ACER1: variants seen among roughly 807,000 people sequenced by gnomAD.
The protein encoded by ACER1 is alkaline ceramidase 1, also known as CTB-180A7.3.
A neutral mutation model predicts 24.9 loss-of-function variants in ACER1; 28 were observed. That is an observed-to-expected ratio of 1.13 (90% CI 0.83 to 1.54). ACER1 has a LOEUF of 1.54. ACER1 is among the 40% of genes most tolerant of loss of function. The probability of loss-of-function intolerance (pLI) is 0.00; values close to 1 mark genes in which losing one functional copy is unlikely to be tolerated. For synonymous variants in ACER1, 132 were observed against 131.4 expected, an observed-to-expected ratio of 1.00 and a Z score of -0.03; for missense variants, 352 against 349.3, an observed-to-expected ratio of 1.01 and a Z score of -0.06.
upstream of ACER1, among the ~76,000 whole-genome samples, chr19:6,335,251 G>T (rs1326321948): frequency 1.6e-5 from 2 of 125,804 alleles, no homozygotes; most frequent in African/African-American, 6.4e-5. Context: ...TTGAGATGGA[G>T]CCTCACTCTG....
At position 6,312,800 on chromosome 19, in the gene ACER1, C is replaced by T. The variant is rs28499012; in HGVS notation, c.94-301G>A. 3.2e-3 allele frequency among the ~76,000 whole-genome samples: 480 copies of T among 151,912 alleles called. 3 individuals carry two copies. Among genetic ancestry groups the T allele is most frequent in the African/African-American group, 0.011 (458 of 41,414 alleles). On this transcript the variant is annotated intron_variant, in intron 1 of 5. Coordinates refer to ENST00000301452, the MANE Select transcript of ACER1 (RefSeq NM_133492.3). ...GAGCGATTCTCCTGTCTCAGACTCCCGAGTAGCTGGGATTAAAGGCACGTG... is the reference window on the plus strand; with the variant it reads ...GAGCGATTCTCCTGTCTCAGACTCCTGAGTAGCTGGGATTAAAGGCACGTG...
At chr19:6,322,202 T>C (rs550794538) in intron 1 of ACER1, among the ~76,000 whole-genome samples, 72 of 152,280 alleles carry the variant, frequency 4.7e-4, no homozygotes, top group African/African-American at 1.5e-3. Flanking sequence ...TCAACAAGAT[T>C]TATATACAAA....
At chr19:6,309,897 C>G in intron 3 of ACER1, 63 bp from the exon 4 acceptor site, 1 of 1,598,262 alleles carries the variant, frequency 6.3e-7, no homozygotes, top group Non-Finnish European at 8.5e-7. Flanking sequence ...GGCATGGTCA[C>G]TTGGAGATCC....
chr19:6,342,948 T>A, the ACER1 span, among the ~76,000 whole-genome samples: 1 of 151,934 alleles, frequency 6.6e-6, no homozygotes, highest in Admixed American at 6.6e-5. Context: ...CGGCTAATTT[T>A]GTATCTTTAG....
the ACER1 span, among the ~76,000 whole-genome samples, chr19:6,341,163 C>T: frequency 1.3e-5 from 2 of 149,942 alleles, no homozygotes; most frequent in Non-Finnish European, 3.0e-5. Context: ...TGCACTGGCG[C>T]GATCTCGGCT....
chr19:6,318,331 C>T (rs538486114), intron 1 of ACER1, among the ~76,000 whole-genome samples: 27 of 151,530 alleles, frequency 1.8e-4, no homozygotes, highest in African/African-American at 6.0e-4. Flanking sequence ...TAGCCAGGTG[C>T]GGTGGCGCAT....
chr19:6,359,661 AG>A, the ACER1 span, among the ~76,000 whole-genome samples: 2 of 152,158 alleles, frequency 1.3e-5, no homozygotes, highest in Non-Finnish European at 2.9e-5. Context: ...GGGAAAAAAA[AG>A]AAAAAAACAC....
chr19:6,337,872 T>C (rs1200961076), upstream of ACER1, among the ~76,000 whole-genome samples: 1 of 150,664 alleles, frequency 6.6e-6, no homozygotes, highest in African/African-American at 2.4e-5. Context: ...AGGGACAGGG[T>C]TTCACCATGT....
Position 6,312,264 on chromosome 19 carries a change from T to A in ACER1, c.235A>T (p.Thr79Ser). 5 of 1,614,004 alleles carry A rather than the reference T, an allele frequency of 3.1e-6. No homozygotes were observed. Among genetic ancestry groups the A allele is most frequent in the Non-Finnish European group, 4.2e-6 (5 of 1,179,956 alleles). The change falls in exon 3 of 6, where the codon ACG becomes TCG. Residue 79 changes from threonine to serine, a missense_variant. By Grantham distance (58) the Thr-to-Ser change is moderately conservative. Transcript: ENST00000301452. The stretch of plus-strand genomic sequence containing the variant: ...AGCAGCTGGCCCAGGAAGCTGAGCG[T>A]CATGTGGAAATACATGGAGAACAGG... Reference protein sequence around the residue: ...IGLFSMYFHMTLSFLGQLLDE... With the variant: ...IGLFSMYFHMSLSFLGQLLDE...
intron 1 of ACER1, among the ~76,000 whole-genome samples, chr19:6,315,762 G>A (rs1415631151): frequency 6.6e-6 from 1 of 152,064 alleles, no homozygotes; most frequent in East Asian, 1.9e-4. Context: ...CAATCCACCC[G>A]CCTTGGCCTC....
the ACER1 span, among the ~76,000 whole-genome samples, chr19:6,358,671 C>T: frequency 2.6e-4 from 39 of 150,290 alleles, no homozygotes; most frequent in African/African-American, 8.3e-4. Context: ...CAGTGGCTCA[C>T]GCCTGTAATC....
At chr19:6,307,383 A>C in intron 4 of ACER1, 93 bp from the exon 5 acceptor site, 6 of 1,424,964 alleles carry the variant, frequency 4.2e-6, no homozygotes, top group Non-Finnish European at 5.7e-6. Context: ...GATGAGGCTC[A>C]GAGGTTGGGA....
chr19:6,347,109 A>AAAAAAAAAAAAAAAAATATAT, the ACER1 span, among the ~76,000 whole-genome samples: 6 of 113,822 alleles, frequency 5.3e-5, no homozygotes, highest in African/African-American at 3.0e-4. Context: ...AAAAAAAAAA[A>AAAAAAAAAAAAAAAAATATAT]ATATATATAT....
the ACER1 span, among the ~76,000 whole-genome samples, chr19:6,359,362 A>G: frequency 2.0e-5 from 3 of 148,372 alleles, no homozygotes; most frequent in Middle Eastern, 3.4e-3. Flanking sequence ...CTTGTTGCCC[A>G]GGCTGGAGTA....
the ACER1 span, among the ~76,000 whole-genome samples, chr19:6,347,791 A>G: frequency 6.6e-6 from 1 of 152,008 alleles, no homozygotes; most frequent in African/African-American, 2.4e-5. Context: ...AGTCCAGATC[A>G]TGCCATTGCA....
chr19:6,351,227 C>G, the ACER1 span, among the ~76,000 whole-genome samples: 2 of 151,822 alleles, frequency 1.3e-5, no homozygotes, highest in African/African-American at 4.8e-5. Context: ...TTAGCCGGGC[C>G]TGGTGGCGGG....
the ACER1 span, among the ~76,000 whole-genome samples, chr19:6,346,855 G>T: frequency 0.088 from 13,392 of 151,648 alleles, 1,244 homozygotes; most frequent in African/African-American, 0.24. Context: ...CGGGGAGGAG[G>T]TTCTCTGCCC....
rs759580114 is a variant in ACER1, at chr19:6,307,073, C to T, written c.626+80G>A. ...CCTCTCTCTGCTTCTCCAACCCCAGCCCCCAGGTGCCTACTCCGAGCTTTG... is the reference window on the plus strand; with the variant it reads ...CCTCTCTCTGCTTCTCCAACCCCAGTCCCCAGGTGCCTACTCCGAGCTTTG... On this transcript the variant is annotated intron_variant, in intron 5 of 5. Transcript: ENST00000301452. 726 of 1,576,126 alleles carry T rather than the reference C, an allele frequency of 4.6e-4. 1 individual carries two copies. The highest frequency in any genetic ancestry group is 6.1e-4 in the Non-Finnish European group (708 of 1,160,108).
upstream of ACER1, among the ~76,000 whole-genome samples, chr19:6,335,521 C>T (rs1029104729): frequency 1.1e-4 from 16 of 152,064 alleles, no homozygotes; most frequent in Admixed American, 9.8e-4. Context: ...CTGTGCCCGG[C>T]CTTCATTTAA....
Sources: gnomAD v4.1 joint callset for allele counts (sites outside exome capture counted in the v4.1 genomes callset) on GRCh38, gnomAD v4.1.1 for gene constraint, MANE v1.5 for transcripts, NCBI Gene and HGNC (gene_info 2026-07-23, HGNC 2026-07-21) for gene names.